ZNF469: variants seen among roughly 807,000 people sequenced by gnomAD.
ZNF469 encodes zinc finger protein 469.
Under a neutral mutation model 1.0 loss-of-function variants are expected in ZNF469, and 1 was observed. The observed-to-expected ratio is 1.00, with a 90% CI of 0.35 to 4.73. The LOEUF (loss-of-function observed/expected upper bound fraction) is 4.73. ZNF469 is among the 30% of genes most tolerant of loss of function. ZNF469 has a pLI of 0.16. For synonymous variants in ZNF469, 2,703 were observed against 2,363.4 expected (o/e 1.14, Z -4.17); for missense variants, 6,100 against 5,356.3 (o/e 1.14, Z -4.33).
the ZNF469 span, among the ~76,000 whole-genome samples, chr16:88,265,701 AG>A: frequency 4.3e-4 from 66 of 152,324 alleles, no homozygotes; most frequent in Non-Finnish European, 7.4e-4. Context: ...CCTGGGTCAC[AG>A]GGTGCTGCAG....
At chr16:88,210,434 G>C in the ZNF469 span, among the ~76,000 whole-genome samples, 4 of 152,164 alleles carry the variant, frequency 2.6e-5, no homozygotes, top group East Asian at 5.8e-4. Flanking sequence ...TGTTGCATTT[G>C]GATGTTGAAA....
At chr16:88,186,576 G>A in the ZNF469 span, among the ~76,000 whole-genome samples, 5 of 152,166 alleles carry the variant, frequency 3.3e-5, no homozygotes, top group African/African-American at 9.7e-5. Flanking sequence ...CCGCAGGGAC[G>A]AAGAGGCCGA....
At chr16:88,374,079 A>T in the ZNF469 span, among the ~76,000 whole-genome samples, 1 of 151,994 alleles carries the variant, frequency 6.6e-6, no homozygotes, top group Non-Finnish European at 1.5e-5. Flanking sequence ...GTGTGTGGTG[A>T]GGAATGAAAG....
chr16:88,377,224 C>G, the ZNF469 span, among the ~76,000 whole-genome samples: 5 of 152,342 alleles, frequency 3.3e-5, no homozygotes, highest in East Asian at 9.7e-4. Flanking sequence ...AGGCAGGAGC[C>G]GGGGTGGTGC....
At chr16:88,144,398 G>T in the ZNF469 span, among the ~76,000 whole-genome samples, 2 of 152,204 alleles carry the variant, frequency 1.3e-5, no homozygotes, top group African/African-American at 4.8e-5. Context: ...CAGGAGGTAG[G>T]GCAGAGATAA....
chr16:88,384,624 G>T (rs925355877), intron 1 of ZNF469, among the ~76,000 whole-genome samples: 6 of 152,162 alleles, frequency 3.9e-5, no homozygotes, highest in Non-Finnish European at 8.8e-5. Flanking sequence ...AGAGGAAGAG[G>T]ATATCTGAGG....
chr16:88,167,712 A>AG, the ZNF469 span, among the ~76,000 whole-genome samples: 1 of 151,962 alleles, frequency 6.6e-6, no homozygotes, highest in Admixed American at 6.5e-5. Flanking sequence ...TCTCTGGTCA[A>AG]GGGGGCGCCC....
chr16:88,103,914 G>A, the ZNF469 span, among the ~76,000 whole-genome samples: 1 of 150,810 alleles, frequency 6.6e-6, no homozygotes, highest in African/African-American at 2.5e-5. Flanking sequence ...GTGGCACGAG[G>A]GGGCAGTGGA....
the ZNF469 span, among the ~76,000 whole-genome samples, chr16:88,261,437 C>T: frequency 2.1e-3 from 313 of 152,268 alleles, no homozygotes; most frequent in Non-Finnish European, 3.2e-3. The surrounding 1 kb of genome is among the most constrained non-coding windows in gnomAD (Gnocchi z 6.0). Context: ...TCATGCCCCC[C>T]GCTGAGGAAT....
chr16:88,284,527 C>A, the ZNF469 span, among the ~76,000 whole-genome samples: 1 of 147,248 alleles, frequency 6.8e-6, no homozygotes, highest in African/African-American at 2.5e-5. Context: ...GGGAGGATCG[C>A]TTGAGCCCAG....
the ZNF469 span, among the ~76,000 whole-genome samples, chr16:88,211,589 T>C: frequency 6.6e-6 from 1 of 152,252 alleles, no homozygotes; most frequent in Non-Finnish European, 1.5e-5. Context: ...TACTGATTTC[T>C]CGGTGTCTGT....
At position 88,432,271 on chromosome 16, in the gene ZNF469, A is replaced by G. The variant is rs1245545735; in HGVS notation, c.4801A>G (p.Thr1601Ala). 1 of 1,547,536 alleles carries G rather than the reference A, an allele frequency of 6.5e-7. No individual in the cohort carries two copies. Among genetic ancestry groups the G allele is most frequent in the Admixed American group, 2.0e-5 (1 of 51,006 alleles). Residue 1601 changes from threonine to alanine, a missense_variant, in exon 3 of 3, where the codon ACA becomes GCA. Thr to Ala is a moderately conservative substitution (Grantham distance 58). Coordinates refer to ENST00000565624, the MANE Select transcript of ZNF469 (RefSeq NM_001367624.2). ...AESVGRVELG[T>A]GTEPPSQRRT... ...GTCGGTGGGCAGGGTGGAGCTCGGC[A>G]CAGGCACAGAGCCACCCTCCCAACG... is the stretch of plus-strand genomic sequence containing the variant.
chr16:88,188,146 G>A, the ZNF469 span, among the ~76,000 whole-genome samples: 1 of 152,046 alleles, frequency 6.6e-6, no homozygotes, highest in Non-Finnish European at 1.5e-5. Context: ...CGTGACCCCT[G>A]CCTGGGGTGC....
In ZNF469 at chr16:88,436,975, C is replaced by T; in HGVS notation, c.9505C>T (p.Gln3169Ter). ...LRGHLQERHA[Q>*]SKAGPWACGM... ...GGGGCACCTGCAGGAGAGGCACGCG[C>T]AGAGCAAGGCCGGGCCCTGGGCGTG... The change falls in exon 3 of 3, where the codon CAG (glutamine) becomes TAG (stop). Residue 3169 changes from glutamine to a stop codon, truncating the protein, a stop_gained. Transcript: ENST00000565624. LOFTEE classifies it low-confidence loss of function (END_TRUNC). 6.6e-7 allele frequency: 1 copy of T among 1,508,762 alleles called. No individual in the cohort carries two copies. The highest frequency in any genetic ancestry group is 8.8e-7 in the Non-Finnish European group (1 of 1,130,252). 93.5% of individuals were successfully genotyped at this position (1,508,762 alleles called of 1,614,324 possible).
chr16:88,240,227 C>A, the ZNF469 span, among the ~76,000 whole-genome samples: 1 of 152,238 alleles, frequency 6.6e-6, no homozygotes, highest in Non-Finnish European at 1.5e-5. Context: ...TGTCTTCTCA[C>A]ACGGGTTTCT....
At chr16:88,387,815 C>G (rs1904378031) in intron 1 of ZNF469, among the ~76,000 whole-genome samples, 1 of 152,174 alleles carries the variant, frequency 6.6e-6, no homozygotes, top group Non-Finnish European at 1.5e-5. Flanking sequence ...ACACCCAGCT[C>G]TTGAAGCAAG....
chr16:88,411,306 G>A (rs922539074), intron 1 of ZNF469, among the ~76,000 whole-genome samples: 5 of 152,110 alleles, frequency 3.3e-5, no homozygotes, highest in African/African-American at 7.2e-5. Context: ...AGACCCCAGC[G>A]AGCCAGCATC....
the ZNF469 span, among the ~76,000 whole-genome samples, chr16:88,253,960 G>T: frequency 7.4e-6 from 1 of 134,746 alleles, no homozygotes; most frequent in African/African-American, 2.6e-5. Flanking sequence ...CTAGTCTGTA[G>T]CTTTTTTTTT....
chr16:88,235,275 T>C, the ZNF469 span, among the ~76,000 whole-genome samples: 1 of 152,190 alleles, frequency 6.6e-6, no homozygotes, highest in African/African-American at 2.4e-5. Context: ...AGCTCCGGGC[T>C]TCCGCACACA....
Sources: gnomAD v4.1 joint callset for allele counts (sites outside exome capture counted in the v4.1 genomes callset) on GRCh38, gnomAD v4.1.1 for gene constraint, Gnocchi (gnomAD v3.1) non-coding constraint, MANE v1.5 for transcripts, NCBI Gene and HGNC (gene_info 2026-07-23, HGNC 2026-07-21) for gene names.